The following FAM53B variants were observed in gnomAD, a reference collection of about 807,000 sequenced individuals.
The protein encoded by FAM53B is family with sequence similarity 53 member B.
FAM53B carries 12 observed loss-of-function variants against 32.7 expected under a neutral mutation model. That is an observed-to-expected ratio of 0.37 (90% CI 0.24 to 0.59). The LOEUF (loss-of-function observed/expected upper bound fraction) is 0.59, where lower values mean the gene tolerates loss of function less well. FAM53B is among the 20% of genes least tolerant of loss of function. The pLI, the probability that FAM53B is intolerant of heterozygous loss-of-function variation, is 0.72. For missense variants in FAM53B, 477 were observed against 577.7 expected (o/e 0.83, Z 1.79); for synonymous variants, 234 against 228.7 (o/e 1.02, Z -0.21).
chr10:124,697,329 G>A (rs375434921), intron 2 of FAM53B, among the ~76,000 whole-genome samples: 50 of 152,270 alleles, frequency 3.3e-4, no homozygotes, highest in Middle Eastern at 6.8e-3. Context: ...ATATCAAAAT[G>A]ACACAAACAG....
rs1311097660 is a variant in FAM53B, at chr10:124,623,715, G to T, written c.907-111C>A. 3.9e-6 allele frequency: 5 copies of T among 1,298,108 alleles called. No homozygotes were observed. In the East Asian group the frequency reaches 1.3e-4, roughly 33 times the overall value. 80.4% of individuals were successfully genotyped at this position (1,298,108 alleles called of 1,614,324 possible). On this transcript the variant is annotated intron_variant, in intron 4 of 4. Coordinates refer to ENST00000337318, the MANE Select transcript of FAM53B (RefSeq NM_014661.4). The stretch of plus-strand genomic sequence containing the variant: ...ACCAGGCTGTGGCAAGACCAATCAA[G>T]TCCCGGGTTCCTCCTATCCAGGCAA...
At chr10:124,703,144 G>A (rs1249236413) in intron 2 of FAM53B, among the ~76,000 whole-genome samples, 14 of 152,066 alleles carry the variant, frequency 9.2e-5, no homozygotes, top group South Asian at 6.2e-4. Flanking sequence ...TCCCAGGTTC[G>A]AGCCATTCTC....
chr10:124,685,307 TG>T (rs1194635169), intron 3 of FAM53B, among the ~76,000 whole-genome samples: 2 of 152,192 alleles, frequency 1.3e-5, no homozygotes, highest in Admixed American at 1.3e-4. Context: ...ATCGAATATG[TG>T]GGGGATGTGA....
intron 3 of FAM53B, among the ~76,000 whole-genome samples, chr10:124,694,857 C>T (rs919292774): frequency 9.2e-5 from 14 of 152,192 alleles, no homozygotes; most frequent in South Asian, 4.1e-4. Context: ...TCAAGAGCAC[C>T]GCCAGGTGTC....
chr10:124,686,730 G>C (rs1157945071), intron 3 of FAM53B, among the ~76,000 whole-genome samples: 1 of 152,256 alleles, frequency 6.6e-6, no homozygotes, highest in Non-Finnish European at 1.5e-5. Context: ...ACCTTAGTTG[G>C]TGGTGCATGA....
chr10:124,736,533 G>A (rs544658479), intron 1 of FAM53B, among the ~76,000 whole-genome samples: 85 of 152,394 alleles, frequency 5.6e-4, no homozygotes, highest in African/African-American at 2.0e-3. Context: ...CCCAGCCAGC[G>A]GACAGAACCT....
intron 1 of FAM53B, among the ~76,000 whole-genome samples, chr10:124,723,067 C>G (rs1377445039): frequency 6.6e-6 from 1 of 152,188 alleles, no homozygotes; most frequent in Non-Finnish European, 1.5e-5. Context: ...CCAGGAAGAC[C>G]TCCACACTCC....
At chr10:124,668,819 A>G (rs1949689911) in intron 4 of FAM53B, among the ~76,000 whole-genome samples, 1 of 152,166 alleles carries the variant, frequency 6.6e-6, no homozygotes. Context: ...CCCTCAAACC[A>G]CCTTCCCCTT....
At chr10:124,655,805 C>T (rs1223983557) in intron 4 of FAM53B, among the ~76,000 whole-genome samples, 1 of 152,216 alleles carries the variant, frequency 6.6e-6, no homozygotes, top group Non-Finnish European at 1.5e-5. Context: ...ACCCATGCTC[C>T]TTGTCTTTGC....
chr10:124,679,603 A>C (rs1949756434), intron 4 of FAM53B, among the ~76,000 whole-genome samples: 1 of 152,256 alleles, frequency 6.6e-6, no homozygotes, highest in African/African-American at 2.4e-5. Context: ...GCCCAGCCTC[A>C]GGGCTCTGGC....
At chr10:124,717,567 A>G (rs1276580880) in intron 1 of FAM53B, among the ~76,000 whole-genome samples, 1 of 152,256 alleles carries the variant, frequency 6.6e-6, no homozygotes, top group African/African-American at 2.4e-5. Context: ...ATGACCTCCC[A>G]TAAAGCAGAG....
At chr10:124,670,979 T>C (rs1434178964) in intron 4 of FAM53B, among the ~76,000 whole-genome samples, 2 of 152,042 alleles carry the variant, frequency 1.3e-5, no homozygotes, top group Non-Finnish European at 2.9e-5. Flanking sequence ...ATCTGCTGAG[T>C]GAAGAACTAG....
chr10:124,706,946 A>G, intron 1 of FAM53B, 59 bp from the exon 2 acceptor site: 3 of 1,380,462 alleles, frequency 2.2e-6, no homozygotes, highest in Non-Finnish European at 2.8e-6. Context: ...GGGCCCTGAG[A>G]GTCACCCCTC....
chr10:124,719,107 A>G (rs1183137945), intron 1 of FAM53B, among the ~76,000 whole-genome samples: 2 of 152,238 alleles, frequency 1.3e-5, no homozygotes, highest in African/African-American at 4.8e-5. Flanking sequence ...TGAAGTCCTA[A>G]TTCAAAGCTA....
At chr10:124,719,640 C>G (rs144195625) in intron 1 of FAM53B, among the ~76,000 whole-genome samples, 1 of 152,324 alleles carries the variant, frequency 6.6e-6, no homozygotes, top group African/African-American at 2.4e-5. Context: ...CTGTCACTGT[C>G]CCCCTAGTGG....
chr10:124,726,674 G>A (rs1403391001), intron 1 of FAM53B, among the ~76,000 whole-genome samples: 1 of 152,234 alleles, frequency 6.6e-6, no homozygotes, highest in Non-Finnish European at 1.5e-5. Flanking sequence ...GCTGCCATAC[G>A]AAGAGATAAA....
intron 4 of FAM53B, among the ~76,000 whole-genome samples, chr10:124,658,240 G>A (rs1949608591): frequency 6.6e-6 from 1 of 152,210 alleles, no homozygotes; most frequent in African/African-American, 2.4e-5. Context: ...ATCCCGCTTG[G>A]CAAATGCGGA....
chr10:124,734,054 C>G (rs557210090), intron 1 of FAM53B, among the ~76,000 whole-genome samples: 10 of 152,216 alleles, frequency 6.6e-5, no homozygotes, highest in East Asian at 1.9e-4. Context: ...GCTGTCACCC[C>G]CTCCAGGAAG....
intron 1 of FAM53B, among the ~76,000 whole-genome samples, chr10:124,741,450 A>G (rs1406111400): frequency 6.6e-6 from 1 of 152,150 alleles, no homozygotes; most frequent in African/African-American, 2.4e-5. Context: ...GTGCTTTTTA[A>G]AAGAGCTCCG....
Sources: gnomAD v4.1 joint callset for allele counts (sites outside exome capture counted in the v4.1 genomes callset) on GRCh38, gnomAD v4.1.1 for gene constraint, MANE v1.5 for transcripts, NCBI Gene and HGNC (gene_info 2026-07-23, HGNC 2026-07-21) for gene names.